WDR59: variants seen among roughly 807,000 people sequenced by gnomAD.
WDR59 encodes the protein GATOR2 complex protein WDR59.
WDR59 carries 100 observed loss-of-function variants against 131.2 expected under a neutral mutation model. That is an observed-to-expected ratio of 0.76 (90% CI 0.65 to 0.90). WDR59 has a LOEUF of 0.90. WDR59 is among the 40% of genes least tolerant of loss of function. The pLI is 0.00. For synonymous variants in WDR59, 601 were observed against 466.2 expected (o/e 1.29, Z -3.72); for missense variants, 1,203 against 1,262.2 (o/e 0.95, Z 0.71).
At chr16:74,912,066 T>G (rs544334585) in intron 14 of WDR59, 132 bp downstream of exon 14, 2 of 1,225,722 alleles carry the variant, frequency 1.6e-6, no homozygotes, top group Non-Finnish European at 2.3e-6. Context: ...AGAGGTTACG[T>G]TGCTAATACT....
At position 74,960,801 on chromosome 16, in the gene WDR59, G is replaced by C. The variant is rs578053574; in HGVS notation, c.105-4191C>G. On this transcript the variant is annotated intron_variant, in intron 2 of 25. Coordinates refer to ENST00000262144, the MANE Select transcript of WDR59 (RefSeq NM_030581.4). ...AGAGAAAGAAAATGGGAAAATAAAA[G>C]GGAGAAAATGATCAAAGACATAATA... Among the ~76,000 whole-genome samples, 188 of 148,908 alleles carry C rather than the reference G, an allele frequency of 1.3e-3. 1 individual carries two copies. Among genetic ancestry groups the C allele is most frequent in the South Asian group, 6.4e-3 (30 of 4,694 alleles).
intron 18 of WDR59, among the ~76,000 whole-genome samples, chr16:74,900,406 C>T (rs1031597586): frequency 2.6e-5 from 4 of 152,052 alleles, no homozygotes; most frequent in Non-Finnish European, 5.9e-5. Context: ...TATCTGTTTA[C>T]GGAGATCAGA....
At position 74,885,768 on chromosome 16, in the gene WDR59, TTGC is replaced by T. The variant is rs763660005; in HGVS notation, c.2571_2573del (p.Gln858del). 9.3e-6 allele frequency: 15 copies of T among 1,614,146 alleles called. No individual in the cohort carries two copies. The highest frequency in any genetic ancestry group is 1.3e-5 in the Non-Finnish European group (15 of 1,180,016). On this transcript the variant is annotated inframe_deletion, in exon 25 of 26. Coordinates refer to ENST00000262144, the MANE Select transcript of WDR59 (RefSeq NM_030581.4). ...CATAGCATTTCTTAAAGTCATCAAA[TTGC>T]TGGGTATTGGCGGGGTCCAGGAGCC...
intron 18 of WDR59, among the ~76,000 whole-genome samples, chr16:74,903,367 C>T (rs1010090899): frequency 6.6e-6 from 1 of 152,044 alleles, no homozygotes; most frequent in African/African-American, 2.4e-5. Flanking sequence ...GGGTTTCTGA[C>T]AGCTTAATGA....
chr16:74,958,072 G>A (rs929296406), intron 2 of WDR59, among the ~76,000 whole-genome samples: 2 of 152,202 alleles, frequency 1.3e-5, no homozygotes, highest in African/African-American at 4.8e-5. Context: ...AGCTATACAT[G>A]TGAGGTGAGT....
chr16:74,928,908 C>CA (rs1212690819), intron 8 of WDR59, among the ~76,000 whole-genome samples: 3 of 150,886 alleles, frequency 2.0e-5, no homozygotes, highest in African/African-American at 7.3e-5. Flanking sequence ...GACTCTGTCT[C>CA]AAAAAAAATA....
At chr16:74,955,125 A>T (rs1024305015) in intron 3 of WDR59, among the ~76,000 whole-genome samples, 27 of 152,250 alleles carry the variant, frequency 1.8e-4, no homozygotes, top group African/African-American at 6.5e-4. Context: ...AACAAATTTT[A>T]AAAAGGCTGT....
At position 74,887,890 on chromosome 16, in the gene WDR59, G is replaced by A. The variant is rs1472051318; in HGVS notation, c.2347-135C>T. ...CCTAGCAGTTTGGGAGGCCAAGGAAGGTGGAACACCTGAGGTCAGGGGTTC... is the reference window on the plus strand; with the variant it reads ...CCTAGCAGTTTGGGAGGCCAAGGAAAGTGGAACACCTGAGGTCAGGGGTTC... On this transcript the variant is annotated intron_variant, in intron 22 of 25. Coordinates refer to ENST00000262144, the MANE Select transcript of WDR59 (RefSeq NM_030581.4). 33 of 956,110 alleles carry A rather than the reference G, an allele frequency of 3.5e-5. 1 individual carries two copies. In the Middle Eastern group the frequency reaches 1.2e-3, roughly 34 times the overall value. 59.2% of individuals were successfully genotyped at this position (956,110 alleles called of 1,614,324 possible).
intron 10 of WDR59, 100 bp downstream of exon 10, chr16:74,921,839 AGCCCAGCT>A: frequency 7.2e-7 from 1 of 1,391,810 alleles, no homozygotes; most frequent in Admixed American, 2.7e-5. Context: ...TGGTTCCTAA[AGCCCAGCT>A]CTCTCTATGT....
In WDR59 at chr16:74,885,846, C is replaced by T. The variant is rs558741480; in HGVS notation, c.2547-51G>A. On this transcript the variant is annotated intron_variant, in intron 24 of 25. Coordinates refer to ENST00000262144, the MANE Select transcript of WDR59 (RefSeq NM_030581.4). ...GTCAGTTCCTTTAAGAAAAAACAAG[C>T]TTCATCCTAAATGGCACTTAATATA... is the stretch of plus-strand genomic sequence containing the variant. 4 of 1,598,592 alleles carry T rather than the reference C, an allele frequency of 2.5e-6. No individual in the cohort carries two copies. The East Asian group carries it at 6.7e-5, about 27-fold the overall frequency.
intron 14 of WDR59, among the ~76,000 whole-genome samples, chr16:74,910,130 G>A (rs1409635990): frequency 2.0e-5 from 3 of 151,858 alleles, no homozygotes; most frequent in Non-Finnish European, 4.4e-5. Flanking sequence ...CCCATGCCTG[G>A]CTAATTTTTG....
intron 19 of WDR59, 78 bp downstream of exon 19, chr16:74,893,601 C>T (rs1965146984): frequency 8.2e-6 from 12 of 1,468,706 alleles, no homozygotes; most frequent in Admixed American, 2.0e-5. Flanking sequence ...AGAAAGGATT[C>T]CCACACTCAA....
At chr16:74,974,382 TTAA>T (rs1331954835) in intron 1 of WDR59, among the ~76,000 whole-genome samples, 2 of 152,096 alleles carry the variant, frequency 1.3e-5, no homozygotes, top group African/African-American at 4.8e-5. Context: ...GTTTTCTAAT[TTAA>T]TAATAATGGT....
chr16:74,944,116 G>A (rs1308407186), intron 6 of WDR59, among the ~76,000 whole-genome samples: 1 of 152,070 alleles, frequency 6.6e-6, no homozygotes, highest in Non-Finnish European at 1.5e-5. Flanking sequence ...ATCAGAACTC[G>A]AGGGCTCCCA....
chr16:74,952,588 G>A (rs1387337087), intron 3 of WDR59, among the ~76,000 whole-genome samples: 1 of 151,618 alleles, frequency 6.6e-6, no homozygotes, highest in African/African-American at 2.4e-5. Context: ...CAAGGAAAAT[G>A]GACCAGAAGA....
chr16:74,886,485 TG>T (rs1964772068), intron 23 of WDR59, 89 bp from the exon 24 acceptor site: 2 of 1,490,442 alleles, frequency 1.3e-6, no homozygotes, highest in Non-Finnish European at 1.8e-6. Context: ...ACGTGGCCAA[TG>T]GATTTCCCAG....
intron 8 of WDR59, among the ~76,000 whole-genome samples, chr16:74,932,863 G>A (rs1294738997): frequency 6.6e-6 from 1 of 152,172 alleles, no homozygotes; most frequent in Non-Finnish European, 1.5e-5. Flanking sequence ...TAGTATACAT[G>A]CTTACTTCTG....
At position 74,915,857 on chromosome 16, in the gene WDR59, TTAAAC is replaced by T. The variant is rs1277512512; in HGVS notation, c.1224+8_1224+12del. On this transcript the variant is annotated splice_region_variant and intron_variant, in intron 13 of 25. Coordinates refer to ENST00000262144, the MANE Select transcript of WDR59 (RefSeq NM_030581.4). ...ATCAGCAAACATGAGATACAGTTGA[TTAAAC>T]TAAGTACCTCCACATTGACATTCCG... The T allele has an allele frequency of 6.2e-7, 1 of 1,614,216 alleles. No homozygotes were observed. The highest frequency in any genetic ancestry group is 8.5e-7 in the Non-Finnish European group (1 of 1,180,022).
chr16:74,919,741 A>G (rs974134382), intron 10 of WDR59, among the ~76,000 whole-genome samples: 2 of 152,196 alleles, frequency 1.3e-5, no homozygotes, highest in Admixed American at 1.3e-4. Context: ...CCTGAAACCA[A>G]GGACTACTGC....
Sources: gnomAD v4.1 joint callset for allele counts (sites outside exome capture counted in the v4.1 genomes callset) on GRCh38, gnomAD v4.1.1 for gene constraint, MANE v1.5 for transcripts, NCBI Gene and HGNC (gene_info 2026-07-23, HGNC 2026-07-21) for gene names.